The following ABHD17B variants were observed in gnomAD, a reference collection of about 807,000 sequenced individuals.
ABHD17B encodes alpha/beta hydrolase domain-containing protein 17B.
In ABHD17B, 9 loss-of-function variants were observed where a neutral mutation model predicts 26.2. The observed-to-expected ratio is 0.34, with a 90% confidence interval of 0.21 to 0.60. The LOEUF is 0.60. ABHD17B is among the 20% of genes least tolerant of loss of function. The pLI, the probability that ABHD17B is intolerant of heterozygous loss-of-function variation, is 0.80. For synonymous variants in ABHD17B, 127 were observed against 122.3 expected (o/e 1.04, Z -0.25); for missense variants, 224 against 352.1 (o/e 0.64, Z 2.91).
intron 1 of ABHD17B, among the ~76,000 whole-genome samples, chr9:71,905,696 G>C (rs898814522): frequency 1.3e-5 from 2 of 152,260 alleles, no homozygotes; most frequent in Admixed American, 1.3e-4. Context: ...ACTAAATAGA[G>C]GCCAGGAATG....
intron 1 of ABHD17B, among the ~76,000 whole-genome samples, chr9:71,875,966 A>G (rs141280429): frequency 1.3e-4 from 20 of 152,340 alleles, no homozygotes; most frequent in African/African-American, 4.8e-4. Flanking sequence ...CTGTCACTAC[A>G]CTATGTTACT....
intron 1 of ABHD17B, among the ~76,000 whole-genome samples, chr9:71,882,679 A>T (rs1826483081): frequency 6.6e-6 from 1 of 151,792 alleles, no homozygotes; most frequent in South Asian, 2.1e-4. Context: ...AACCAAGAAA[A>T]CAAAAACAAA....
At chr9:71,902,869 A>G (rs1827184166) in intron 1 of ABHD17B, among the ~76,000 whole-genome samples, 1 of 152,200 alleles carries the variant, frequency 6.6e-6, no homozygotes, top group Non-Finnish European at 1.5e-5. Flanking sequence ...ACAAACTTAA[A>G]AAAACATCTA....
chr9:71,907,056 T>C (rs926307025), intron 1 of ABHD17B, among the ~76,000 whole-genome samples: 5 of 152,200 alleles, frequency 3.3e-5, no homozygotes, highest in South Asian at 2.1e-4. Flanking sequence ...TCTATGAACA[T>C]GGGATGTAGG....
downstream of ABHD17B, among the ~76,000 whole-genome samples, chr9:71,863,678 C>T (rs1052622656): frequency 4.6e-5 from 7 of 152,178 alleles, no homozygotes; most frequent in African/African-American, 1.7e-4. Flanking sequence ...CAATCCCTTT[C>T]CTTTATGGAC....
chr9:71,889,370 C>T lies in ABHD17B; in HGVS notation c.-3-14287G>A, dbSNP rs370262771. On this transcript the variant is annotated intron_variant, in intron 1 of 3. Transcript: ENST00000333421. ...TTACACTATTTTTTAAAAGTCTCCT[C>T]GCCAGGCTAAAATTAGGATTGGTTA... Among the ~76,000 whole-genome samples, 16 of 151,826 alleles carry T rather than the reference C, an allele frequency of 1.1e-4. No homozygotes were observed. The South Asian group carries it at 2.1e-3, about 20-fold the overall frequency.
At chr9:71,899,181 T>C (rs764160506) in intron 1 of ABHD17B, among the ~76,000 whole-genome samples, 10 of 152,228 alleles carry the variant, frequency 6.6e-5, no homozygotes, top group Non-Finnish European at 1.3e-4. Flanking sequence ...GTTTTTGTTT[T>C]TTCTTTCAAA....
chr9:71,876,995 A>G (rs1179430164), intron 1 of ABHD17B, among the ~76,000 whole-genome samples: 1 of 152,222 alleles, frequency 6.6e-6, no homozygotes, highest in Non-Finnish European at 1.5e-5. Context: ...TAGGACAGAA[A>G]TAACAACTAA....
chr9:71,904,343 C>A (rs1441741460), intron 1 of ABHD17B, among the ~76,000 whole-genome samples: 2 of 152,160 alleles, frequency 1.3e-5, no homozygotes, highest in African/African-American at 4.8e-5. Flanking sequence ...CCCAATTTTC[C>A]TTTCCCGTTT....
In ABHD17B at chr9:71,885,991, T is replaced by C. The variant is rs185351164; in HGVS notation, c.-3-10908A>G. Among the ~76,000 whole-genome samples, 356 of 152,356 alleles carry C rather than the reference T, an allele frequency of 2.3e-3. 2 individuals carry two copies. Among genetic ancestry groups the C allele is most frequent in the African/African-American group, 8.2e-3 (339 of 41,582 alleles). On this transcript the variant is annotated intron_variant, in intron 1 of 3. Coordinates refer to ENST00000333421, the MANE Select transcript of ABHD17B (RefSeq NM_001025780.3). Reference sequence around the variant, plus strand: ...TGCTTATATCTTTCTTCATTTTGTGTGATATGTTGACAACTATGCTCAGTA... The same window carrying C: ...TGCTTATATCTTTCTTCATTTTGTGCGATATGTTGACAACTATGCTCAGTA...
intron 1 of ABHD17B, among the ~76,000 whole-genome samples, chr9:71,883,310 C>T (rs1026213192): frequency 6.6e-5 from 10 of 152,290 alleles, no homozygotes; most frequent in Non-Finnish European, 1.5e-4. Flanking sequence ...TATTAAGACA[C>T]ACTGCACAAA....
At chr9:71,877,087 G>A (rs1178362767) in intron 1 of ABHD17B, among the ~76,000 whole-genome samples, 2 of 152,178 alleles carry the variant, frequency 1.3e-5, no homozygotes, top group Non-Finnish European at 2.9e-5. Context: ...GGCTTAGCCA[G>A]CAAAAGATGT....
At chr9:71,875,647 A>G (rs1826252277) in intron 1 of ABHD17B, among the ~76,000 whole-genome samples, 1 of 152,202 alleles carries the variant, frequency 6.6e-6, no homozygotes, top group African/African-American at 2.4e-5. Context: ...CATTTAACAT[A>G]AATGTCAAAA....
rs373842532 is a variant in ABHD17B at position 71,892,264 on chromosome 9, G to A, written c.-3-17181C>T. ...AACAAAGCTCCTGGCCAGGCGCAGTGACTCACACCTGTAATCCCAGCACTT... is the reference window on the plus strand; with the variant it reads ...AACAAAGCTCCTGGCCAGGCGCAGTAACTCACACCTGTAATCCCAGCACTT... On this transcript the variant is annotated intron_variant, in intron 1 of 3. Coordinates refer to ENST00000333421, the MANE Select transcript of ABHD17B (RefSeq NM_001025780.3). Among the ~76,000 whole-genome samples the A allele has an allele frequency of 4.9e-4, 75 of 152,144 alleles. 1 individual carries two copies. The highest frequency in any genetic ancestry group is 1.7e-3 in the African/African-American group (72 of 41,522).
chr9:71,874,701 T>C lies in ABHD17B; in HGVS notation c.380A>G (p.Tyr127Cys). ...CCCGGAACTGGCACCATATCCAGAA[T>C]AATCATATGAGAATATATTACAATT... ...RINCNIFSYD[Y>C]SGYGASSGKP... The change falls in exon 2 of 4, where the codon TAT becomes TGT. Residue 127 changes from tyrosine (Y) to cysteine (C), a missense_variant. Physicochemically the swap from Tyr to Cys is radical, Grantham distance 194 (BLOSUM62 -2). Transcript: ENST00000333421. 6.2e-7 allele frequency: 1 copy of C among 1,614,170 alleles called. No individual in the cohort carries two copies. Among genetic ancestry groups the C allele is most frequent in the Non-Finnish European group, 8.5e-7 (1 of 1,180,004 alleles).
In ABHD17B at chr9:71,869,943, A is replaced by G. The variant is rs1179328223; in HGVS notation, c.647+140T>C. 3.8e-6 allele frequency: 3 copies of G among 793,212 alleles called. No individual in the cohort carries two copies. The South Asian group carries it at 6.6e-5, about 17-fold the overall frequency. 49.1% of individuals were successfully genotyped at this position (793,212 alleles called of 1,614,324 possible). On this transcript the variant is annotated intron_variant, in intron 3 of 3. Transcript: ENST00000333421. ...GTCACCTGCTAATACCCTCTTTACAAATTAATTTTTCATAATTTCTATGTG... is the reference window on the plus strand; with the variant it reads ...GTCACCTGCTAATACCCTCTTTACAGATTAATTTTTCATAATTTCTATGTG...
downstream of ABHD17B, among the ~76,000 whole-genome samples, chr9:71,864,213 CTTTTTTTTT>C (rs762446648): frequency 1.2e-4 from 10 of 80,400 alleles, no homozygotes; most frequent in Admixed American, 4.2e-4. Context: ...GCCAAACTTT[CTTTTTTTTT>C]TTTTTTTTTT....
At position 71,867,024 on chromosome 9, in the gene ABHD17B, G is replaced by A. The variant is rs369905464; in HGVS notation, c.648-18C>T. The stretch of plus-strand genomic sequence containing the variant: ...TGTCAATGCTGCAGGGAAAAAGGAA[G>A]GGGGAAAAATGCAATAAATTAACTA... On this transcript the variant is annotated intron_variant, in intron 3 of 3. Coordinates refer to ENST00000333421, the MANE Select transcript of ABHD17B (RefSeq NM_001025780.3). 2 of 1,611,470 alleles carry A rather than the reference G, an allele frequency of 1.2e-6. No individual in the cohort carries two copies. The highest frequency in any genetic ancestry group is 1.3e-5 in the African/African-American group (1 of 74,718).
intron 1 of ABHD17B, among the ~76,000 whole-genome samples, chr9:71,888,186 G>A (rs1826669261): frequency 6.6e-6 from 1 of 152,222 alleles, no homozygotes; most frequent in Non-Finnish European, 1.5e-5. Context: ...TAGGTTGTTG[G>A]TTTTTGCATA....
Sources: gnomAD v4.1 joint callset for allele counts (sites outside exome capture counted in the v4.1 genomes callset) on GRCh38, gnomAD v4.1.1 for gene constraint, MANE v1.5 for transcripts, NCBI Gene and HGNC (gene_info 2026-07-23, HGNC 2026-07-21) for gene names.